JCHAIN: variants seen among roughly 807,000 people sequenced by gnomAD.
JCHAIN encodes immunoglobulin J chain.
JCHAIN carries 5 observed loss-of-function variants against 11.1 expected under a neutral mutation model. The ratio of observed to expected loss-of-function variants is 0.45; its 90% confidence interval spans 0.24 to 0.95. The LOEUF is 0.95. Among genes scored for constraint, JCHAIN ranks in the 40% least tolerant of loss-of-function variants. JCHAIN has a pLI of 0.21. For synonymous variants in JCHAIN, 51 were observed against 67.8 expected (o/e 0.75, Z 1.22); for missense variants, 165 against 192.7 (o/e 0.86, Z 0.85).
At chr4:70,659,660 G>C (rs545713670) in intron 2 of JCHAIN, among the ~76,000 whole-genome samples, 1 of 148,274 alleles carries the variant, frequency 6.7e-6, no homozygotes, top group East Asian at 2.0e-4. Context: ...TCAAGTGTTC[G>C]AGACTAGCCT....
chr4:70,658,260 C>A (rs1738993331), intron 2 of JCHAIN, among the ~76,000 whole-genome samples: 1 of 152,158 alleles, frequency 6.6e-6, no homozygotes, highest in South Asian at 2.1e-4. Context: ...CAATGTCTTC[C>A]TTTTGTCTTG....
intron 2 of JCHAIN, among the ~76,000 whole-genome samples, chr4:70,660,990 T>C (rs367752136): frequency 1.3e-5 from 2 of 152,190 alleles, no homozygotes; most frequent in African/African-American, 4.8e-5. Flanking sequence ...CATTTAAAGA[T>C]GAAAAAGTTG....
chr4:70,659,505 A>T (rs1739014076), intron 2 of JCHAIN, among the ~76,000 whole-genome samples: 1 of 124,008 alleles, frequency 8.1e-6, no homozygotes, highest in Non-Finnish European at 1.6e-5. Flanking sequence ...AGCCAAGATC[A>T]TGCTACTGCA....
chr4:70,665,921 C>A, intron 1 of JCHAIN: 1 of 318,032 alleles, frequency 3.1e-6, no homozygotes, highest in Non-Finnish European at 6.4e-6. Flanking sequence ...AACAAAATAA[C>A]AAAAGTTCAG....
intron 2 of JCHAIN, among the ~76,000 whole-genome samples, chr4:70,658,007 C>A (rs16845329): frequency 0.04 from 6,074 of 152,122 alleles, 410 homozygotes; most frequent in African/African-American, 0.13. Context: ...CATTCCTTCT[C>A]ATGTGCAGCC....
At chr4:70,663,995 G>C (rs1356925819) in intron 1 of JCHAIN, 1 of 151,542 alleles carries the variant, frequency 6.6e-6, no homozygotes, top group South Asian at 2.1e-4. Flanking sequence ...TTGGGAGGCC[G>C]AGGCGGGTGG....
At chr4:70,659,862 A>G (rs897121929) in intron 2 of JCHAIN, among the ~76,000 whole-genome samples, 6 of 152,016 alleles carry the variant, frequency 3.9e-5, no homozygotes, top group Non-Finnish European at 1.5e-5. Context: ...GGGAGACTCC[A>G]TCTCAAAATA....
intron 1 of JCHAIN, among the ~76,000 whole-genome samples, chr4:70,664,568 C>T (rs1739117611): frequency 6.6e-6 from 1 of 152,016 alleles, no homozygotes; most frequent in Non-Finnish European, 1.5e-5. Flanking sequence ...TTCATAAGTT[C>T]CTAATGAATC....
Position 70,662,135 on chromosome 4 carries a change from C to T in JCHAIN, c.145G>A (p.Glu49Lys), listed in dbSNP as rs774522913. Residue 49 changes from glutamate (E) to lysine (K), a missense_variant, in exon 2 of 4, where the codon GAA (glutamate) becomes AAA (lysine). Transcript: ENST00000254801. Reference protein sequence around the residue: ...RITSRIIRSSEDPNEDIVERN... With the variant: ...RITSRIIRSSKDPNEDIVERN... ...TCCACAATGTCCTCATTAGGATCTT[C>T]GGAAGAACGGATGATCCTGGAAGTA... 13 of 1,613,438 alleles carry T rather than the reference C, an allele frequency of 8.1e-6. No individual in the cohort carries two copies. The South Asian group carries it at 8.8e-5, about 11-fold the overall frequency.
rs1266035792 is a variant in JCHAIN at position 70,655,623 on chromosome 4, A to G, written c.*706T>C. The G allele has an allele frequency of 6.6e-6, 1 of 152,258 alleles. No homozygotes were observed. The highest frequency in any genetic ancestry group is 1.5e-5 in the Non-Finnish European group (1 of 68,048). The allele number at this position is 152,258 out of a possible 1,614,324, so 9.4% of individuals were successfully genotyped here. On this transcript the variant is annotated 3_prime_UTR_variant, in exon 4 of 4. Transcript: ENST00000254801. The stretch of plus-strand genomic sequence containing the variant: ...TACATATATTTCATAAGGTTCAGTT[A>G]CAAAATGGATTGTTTCAAATGGCAA...
chr4:70,656,227 AAG>A lies in JCHAIN; in HGVS notation c.*100_*101del. 1 of 802,018 alleles carries A rather than the reference AAG, an allele frequency of 1.2e-6. No homozygotes were observed. Among genetic ancestry groups the A allele is most frequent in the South Asian group, 1.9e-5 (1 of 53,618 alleles). The allele number at this position is 802,018 out of a possible 1,614,324, so 49.7% of individuals were successfully genotyped here. The stretch of plus-strand genomic sequence containing the variant: ...TTTTACATCACCCAAAAAAAAAAAA[AAG>A]CCCTGGTTTCAAATTCATTGGTAAT... On this transcript the variant is annotated 3_prime_UTR_variant, in exon 4 of 4. Coordinates refer to ENST00000254801, the MANE Select transcript of JCHAIN (RefSeq NM_144646.4).
At chr4:70,660,795 G>A (rs976434985) in intron 2 of JCHAIN, among the ~76,000 whole-genome samples, 3 of 152,108 alleles carry the variant, frequency 2.0e-5, no homozygotes, top group African/African-American at 7.2e-5. Flanking sequence ...TATATCCTAA[G>A]GTCAATGTTG....
In JCHAIN at chr4:70,656,028, C is replaced by CT. The variant is rs1738944223; in HGVS notation, c.*300dup. ...CAGTCCTTGAGTTTTATTTTCTCCC[C>CT]TTGTTTATTTGTTTAATGCTAGAAA... is the stretch of plus-strand genomic sequence containing the variant. On this transcript the variant is annotated 3_prime_UTR_variant, in exon 4 of 4. Coordinates refer to ENST00000254801, the MANE Select transcript of JCHAIN (RefSeq NM_144646.4). 4.7e-6 allele frequency: 1 copy of CT among 213,108 alleles called. No individual in the cohort carries two copies. The highest frequency in any genetic ancestry group is 1.7e-4 in the South Asian group (1 of 5,912). 13.2% of individuals were successfully genotyped at this position (213,108 alleles called of 1,614,324 possible).
At chr4:70,666,346 G>T in intron 1 of JCHAIN, 81 bp downstream of exon 1, 1 of 966,816 alleles carries the variant, frequency 1.0e-6, no homozygotes, top group South Asian at 1.5e-5. Context: ...CCAAAGCATA[G>T]GCATAAATGT....
chr4:70,659,461 A>C (rs1003948393), intron 2 of JCHAIN, among the ~76,000 whole-genome samples: 2 of 142,576 alleles, frequency 1.4e-5, no homozygotes, highest in African/African-American at 5.1e-5. Flanking sequence ...GAGGCAGAAG[A>C]ATTGCTTGAA....
At chr4:70,663,647 A>C (rs1210121967) in intron 1 of JCHAIN, 1 of 149,182 alleles carries the variant, frequency 6.7e-6, no homozygotes, top group East Asian at 2.1e-4. Context: ...TGCAACCTCC[A>C]CCTCCCGGGT....
At chr4:70,664,280 T>C (rs1432244827) in intron 1 of JCHAIN, 2 of 152,000 alleles carry the variant, frequency 1.3e-5, no homozygotes, top group Non-Finnish European at 2.9e-5. Flanking sequence ...TATGCTTTAT[T>C]CATATAATTT....
chr4:70,665,133 T>C (rs896726126), intron 1 of JCHAIN, among the ~76,000 whole-genome samples: 19 of 152,184 alleles, frequency 1.2e-4, no homozygotes, highest in Admixed American at 7.2e-4. Flanking sequence ...ATGCTAGATA[T>C]GACCATAATG....
chr4:70,656,594 G>C, intron 3 of JCHAIN, 55 bp from the exon 4 acceptor site: 1 of 1,328,968 alleles, frequency 7.5e-7, no homozygotes, highest in Non-Finnish European at 1.1e-6. Context: ...CTCAAAATGT[G>C]ACTACACATT....
Sources: gnomAD v4.1 joint callset for allele counts (sites outside exome capture counted in the v4.1 genomes callset) on GRCh38, gnomAD v4.1.1 for gene constraint, MANE v1.5 for transcripts, NCBI Gene and HGNC (gene_info 2026-07-23, HGNC 2026-07-21) for gene names.